MTAP: variants seen among roughly 807,000 people sequenced by gnomAD.
MTAP encodes the protein methylthioadenosine phosphorylase.
In MTAP, 33 loss-of-function variants were observed where a neutral mutation model predicts 33.6. That is an observed-to-expected ratio of 0.98 (90% CI 0.74 to 1.31). The LOEUF is 1.31. Among genes scored for constraint, MTAP ranks in the 40% most tolerant of loss-of-function variants. The probability of loss-of-function intolerance (pLI) is 0.00; values close to 1 mark genes in which losing one functional copy is unlikely to be tolerated. For synonymous variants in MTAP, 148 were observed against 125.7 expected (o/e 1.18, Z -1.19); for missense variants, 367 against 360.0 (o/e 1.02, Z -0.16).
chr9:21,877,821 T>C lies in MTAP; in HGVS notation c.147+22951T>C, dbSNP rs1826033422. On this transcript the variant is annotated intron_variant, in intron 1 of 1. Coordinates refer to the MTAP transcript ENST00000577563. ...CAAAGATATTTGCCTGAAGTTTTCT[T>C]ATTTTGTTGTGTCTCTGCCAGACTT... 4.6e-5 allele frequency among the ~76,000 whole-genome samples: 7 copies of C among 152,252 alleles called. No homozygotes were observed. The South Asian group carries it at 1.4e-3, about 32-fold the overall frequency.
At chr9:21,875,593 T>C (rs1825995200) in intron 1 of MTAP, among the ~76,000 whole-genome samples, 1 of 152,158 alleles carries the variant, frequency 6.6e-6, no homozygotes, top group Admixed American at 6.6e-5. Context: ...CTTCTTTGTG[T>C]CTGTGAGTTC....
chr9:21,828,351 A>G (rs1824875586), intron 4 of MTAP, among the ~76,000 whole-genome samples: 1 of 152,160 alleles, frequency 6.6e-6, no homozygotes, highest in Non-Finnish European at 1.5e-5. Flanking sequence ...ACACTACTTT[A>G]CAACAACAGG....
At chr9:21,897,375 A>G (rs942455767) in intron 1 of MTAP, among the ~76,000 whole-genome samples, 4 of 151,968 alleles carry the variant, frequency 2.6e-5, no homozygotes, top group Non-Finnish European at 4.4e-5. Context: ...TGGAAGTTCT[A>G]GCCAGGGCAA....
intron 4 of MTAP, among the ~76,000 whole-genome samples, chr9:21,825,277 T>G (rs752631922): frequency 1.3e-5 from 2 of 152,182 alleles, no homozygotes; most frequent in Non-Finnish European, 2.9e-5. Context: ...TGTTCATCTG[T>G]TGATGGACGT....
At chr9:21,814,599 A>C (rs142839020) in intron 1 of MTAP, among the ~76,000 whole-genome samples, 1 of 152,226 alleles carries the variant, frequency 6.6e-6, no homozygotes, top group East Asian at 1.9e-4. Context: ...GTCTTTCTTA[A>C]TCATCAAATT....
intron 4 of MTAP, among the ~76,000 whole-genome samples, chr9:21,823,894 G>C (rs1200039197): frequency 6.6e-6 from 1 of 152,134 alleles, no homozygotes; most frequent in East Asian, 1.9e-4. Flanking sequence ...TCCAGTTGAT[G>C]GAATCGGCTA....
intron 1 of MTAP, among the ~76,000 whole-genome samples, chr9:21,880,259 CATTTT>C (rs1817984181): frequency 6.6e-6 from 1 of 152,082 alleles, no homozygotes; most frequent in South Asian, 2.1e-4. Flanking sequence ...TTTGCCATAT[CATTTT>C]ACAAGAAGGC....
chr9:21,828,446 G>C (rs1824877821), intron 4 of MTAP, among the ~76,000 whole-genome samples: 1 of 152,144 alleles, frequency 6.6e-6, no homozygotes, highest in Non-Finnish European at 1.5e-5. Flanking sequence ...GGCTGAGGCA[G>C]GCAGATCACC....
At chr9:21,873,307 G>C (rs1825961272) in intron 1 of MTAP, among the ~76,000 whole-genome samples, 1 of 152,122 alleles carries the variant, frequency 6.6e-6, no homozygotes, top group Non-Finnish European at 1.5e-5. Context: ...TGAGGGCCTG[G>C]CACATGATTT....
intron 4 of MTAP, among the ~76,000 whole-genome samples, chr9:21,833,870 C>G (rs1053091662): frequency 6.6e-5 from 10 of 152,190 alleles, no homozygotes; most frequent in African/African-American, 2.4e-4. Context: ...AAGAAACAAC[C>G]TACCAGTCAG....
chr9:21,915,084 C>CCTTTCTTTCTTTT (rs1818664552), intron 1 of MTAP, among the ~76,000 whole-genome samples: 1 of 72,416 alleles, frequency 1.4e-5, no homozygotes. Context: ...TTCTTTCTTT[C>CCTTTCTTTCTTTT]CTTTCTTTCT....
rs138018438 is a variant in MTAP, at chr9:21,889,112, A to G, written c.147+34242A>G. The stretch of plus-strand genomic sequence containing the variant: ...ATTTCTCTTCCTTCTCAAGAAAATC[A>G]GTTATTCTTAGGTTTGGTCATTTAA... On this transcript the variant is annotated intron_variant, in intron 1 of 1. Coordinates refer to the MTAP transcript ENST00000577563. Among the ~76,000 whole-genome samples the G allele has an allele frequency of 3.3e-3, 500 of 152,122 alleles. 2 individuals carry two copies. The highest frequency in any genetic ancestry group is 0.012 in the African/African-American group (481 of 41,544).
At chr9:21,837,497 A>G (rs1825139812) in intron 4 of MTAP, among the ~76,000 whole-genome samples, 1 of 152,212 alleles carries the variant, frequency 6.6e-6, no homozygotes, top group African/African-American at 2.4e-5. Context: ...GTTGGACACA[A>G]TTTAAGAAAT....
chr9:21,939,849 C>A (rs1261578213), downstream of MTAP, among the ~76,000 whole-genome samples: 7 of 152,080 alleles, frequency 4.6e-5, no homozygotes, highest in South Asian at 1.5e-3. Context: ...TGCCACTGCA[C>A]TCTAGCCTGG....
chr9:21,859,154 A>G lies in MTAP; in HGVS notation c.691-149A>G. The G allele has an allele frequency of 4.3e-6, 5 of 1,167,278 alleles. No homozygotes were observed. In the Admixed American group the frequency reaches 1.1e-4, roughly 25 times the overall value. The allele number at this position is 1,167,278 out of a possible 1,614,324, so 72.3% of individuals were successfully genotyped here. On this transcript the variant is annotated intron_variant, in intron 6 of 7. Coordinates refer to ENST00000644715, the MANE Select transcript of MTAP (RefSeq NM_002451.4). The stretch of plus-strand genomic sequence containing the variant: ...TGCCTCCCAAATGCCCAACCTCCAA[A>G]TACCCTACATTGAGGATTCGGTTTC...
intron 4 of MTAP, among the ~76,000 whole-genome samples, chr9:21,834,235 G>C (rs953477868): frequency 6.6e-6 from 1 of 152,166 alleles, no homozygotes; most frequent in African/African-American, 2.4e-5. Flanking sequence ...GATTACTCCC[G>C]TTTAAGGAAA....
At chr9:21,853,087 G>A (rs1190910356) in intron 5 of MTAP, among the ~76,000 whole-genome samples, 1 of 152,178 alleles carries the variant, frequency 6.6e-6, no homozygotes, top group East Asian at 1.9e-4. Context: ...TCAGGTGGCT[G>A]ACATATATTC....
rs555086470 is a variant in MTAP, at chr9:21,927,577, C to G, written c.148-3431C>G. ...AATTTATGCCAGCCAGGAAGACTTA[C>G]AATATCAGCCCCTAGGTTATCTAGA... On this transcript the variant is annotated intron_variant, in intron 1 of 1. Transcript: ENST00000577563. Among the ~76,000 whole-genome samples, 10 of 152,286 alleles carry G rather than the reference C, an allele frequency of 6.6e-5. No homozygotes were observed. The South Asian group carries it at 1.9e-3, about 28-fold the overall frequency.
At chr9:21,912,709 T>C (rs1172699468) in intron 1 of MTAP, among the ~76,000 whole-genome samples, 1 of 152,184 alleles carries the variant, frequency 6.6e-6, no homozygotes, top group African/African-American at 2.4e-5. Context: ...AGCATTCTCT[T>C]TGAAAACTGG....
Sources: allele counts gnomAD v4.1 joint callset (sites outside exome capture counted in the v4.1 genomes callset), GRCh38; gene constraint gnomAD v4.1.1; transcripts MANE v1.5; gene names NCBI Gene and HGNC (gene_info 2026-07-23, HGNC 2026-07-21).